Variants in RHPN2 observed in about 807,000 individuals in gnomAD.
RHPN2 encodes the protein rhophilin Rho GTPase binding protein 2.
RHPN2 carries 40 observed loss-of-function variants against 79.0 expected under a neutral mutation model. The ratio of observed to expected loss-of-function variants is 0.51; its 90% CI spans 0.39 to 0.66. The LOEUF (loss-of-function observed/expected upper bound fraction) is 0.66, where lower values mean the gene tolerates loss of function less well. Among genes scored for constraint, RHPN2 ranks in the 30% least tolerant of loss-of-function variants. The pLI is 0.00. For missense variants in RHPN2, 686 were observed against 883.5 expected (o/e 0.78, Z 2.83); for synonymous variants, 285 against 363.5 (o/e 0.78, Z 2.46).
intron 1 of RHPN2, among the ~76,000 whole-genome samples, chr19:33,046,748 G>A (rs1320459678): frequency 2.0e-5 from 3 of 152,068 alleles, no homozygotes; most frequent in African/African-American, 4.8e-5. Flanking sequence ...GTCTCACATC[G>A]TGGTTTTGAA....
chr19:33,062,630 G>A (rs1972289837), intron 1 of RHPN2, among the ~76,000 whole-genome samples: 1 of 151,590 alleles, frequency 6.6e-6, no homozygotes, highest in African/African-American at 2.4e-5. Flanking sequence ...AATTAGCCAG[G>A]TGTGGTGGCA....
chr19:33,014,064 TG>T (rs1354611543), intron 4 of RHPN2, among the ~76,000 whole-genome samples: 1 of 151,688 alleles, frequency 6.6e-6, no homozygotes. Flanking sequence ...TTAATAGAGA[TG>T]GGGTTTTGCC....
chr19:33,013,974 G>C (rs4458125), intron 4 of RHPN2, among the ~76,000 whole-genome samples: 52,709 of 151,318 alleles, frequency 0.35, 9,907 homozygotes, highest in African/African-American at 0.49. Context: ...TCTCCAGGCT[G>C]AAGCAATCCT....
At chr19:33,058,275 T>C (rs1223895667) in intron 1 of RHPN2, among the ~76,000 whole-genome samples, 1 of 152,228 alleles carries the variant, frequency 6.6e-6, no homozygotes, top group Admixed American at 6.5e-5. Flanking sequence ...TGCTGGGAAC[T>C]GCTGCCAAAG....
chr19:33,058,495 A>G (rs1242802041), intron 1 of RHPN2, among the ~76,000 whole-genome samples: 1 of 151,934 alleles, frequency 6.6e-6, no homozygotes, highest in Non-Finnish European at 1.5e-5. Context: ...TAAAATCCCA[A>G]TAGTCACCAG....
intron 1 of RHPN2, among the ~76,000 whole-genome samples, chr19:33,052,761 C>T (rs1972199338): frequency 1.3e-5 from 2 of 152,136 alleles, no homozygotes; most frequent in Non-Finnish European, 1.5e-5. Flanking sequence ...GCCCTCCTGC[C>T]CTTCCAGGAT....
chr19:33,056,046 A>G (rs998999023), intron 1 of RHPN2, among the ~76,000 whole-genome samples: 6 of 151,236 alleles, frequency 4.0e-5, no homozygotes, highest in Non-Finnish European at 5.9e-5. Flanking sequence ...GGGCCTTTCA[A>G]TGGCCCTGGG....
intron 4 of RHPN2, among the ~76,000 whole-genome samples, chr19:33,016,275 A>G (rs1971876887): frequency 6.6e-6 from 1 of 151,992 alleles, no homozygotes; most frequent in African/African-American, 2.4e-5. Flanking sequence ...GCAGGGGCTC[A>G]ATCATAGCTG....
At chr19:32,987,047 T>C (rs1482956437) in intron 14 of RHPN2, among the ~76,000 whole-genome samples, 1 of 151,612 alleles carries the variant, frequency 6.6e-6, no homozygotes, top group Non-Finnish European at 1.5e-5. Context: ...TCGCTAATTT[T>C]TTTTATTTTT....
chr19:33,050,019 G>A (rs1972174307), intron 1 of RHPN2, among the ~76,000 whole-genome samples: 1 of 152,142 alleles, frequency 6.6e-6, no homozygotes, highest in Non-Finnish European at 1.5e-5. Context: ...TGATGGCCTG[G>A]TGGGGGGCAG....
chr19:33,046,911 G>A (rs982436570), intron 1 of RHPN2, among the ~76,000 whole-genome samples: 1 of 151,458 alleles, frequency 6.6e-6, no homozygotes, highest in African/African-American at 2.4e-5. Context: ...CTGGACTGCT[G>A]CAGTGGTATG....
intron 7 of RHPN2, among the ~76,000 whole-genome samples, chr19:33,006,555 G>A (rs1971792775): frequency 6.6e-6 from 1 of 152,210 alleles, no homozygotes; most frequent in Admixed American, 6.5e-5. Flanking sequence ...GCAGAATGTC[G>A]ATGATCAGCC....
chr19:32,980,970 C>G (rs1333227300), intron 14 of RHPN2, among the ~76,000 whole-genome samples: 1 of 152,090 alleles, frequency 6.6e-6, no homozygotes, highest in Non-Finnish European at 1.5e-5. Context: ...CTCTGAGTAG[C>G]TGGGACTACA....
At chr19:32,990,137 T>TAAAGAAAGAAAGAAAGAAAGAAAG (rs67167337) in intron 14 of RHPN2, among the ~76,000 whole-genome samples, 5 of 17,876 alleles carry the variant, frequency 2.8e-4, no homozygotes, top group South Asian at 2.2e-3. Context: ...AGAAAATGAA[T>TAAAGAAAGAAAGAAAGAAAGAAAG]AAAGAAAGAA....
intron 2 of RHPN2, among the ~76,000 whole-genome samples, chr19:33,031,256 C>CTCTAT (rs1211673442): frequency 2.0e-5 from 1 of 49,944 alleles, no homozygotes. Context: ...TTCTATTCTA[C>CTCTAT]TCTATTCTAT....
chr19:33,059,395 T>C (rs1404739008), intron 1 of RHPN2, among the ~76,000 whole-genome samples: 6 of 151,190 alleles, frequency 4.0e-5, no homozygotes. Context: ...ACCTCACAGG[T>C]TCAGGCAATT....
intron 2 of RHPN2, among the ~76,000 whole-genome samples, chr19:33,037,804 C>T (rs565071352): frequency 2.0e-5 from 3 of 152,272 alleles, no homozygotes; most frequent in South Asian, 4.1e-4. Flanking sequence ...CGCGAGGGTC[C>T]GTCGCTTCAT....
chr19:33,011,478 T>C (rs1267517104), intron 6 of RHPN2, among the ~76,000 whole-genome samples: 1 of 152,188 alleles, frequency 6.6e-6, no homozygotes, highest in Non-Finnish European at 1.5e-5. Context: ...CACAGTCTGT[T>C]GGAGCCATCT....
At chr19:33,055,181 C>T (rs573126486) in intron 1 of RHPN2, among the ~76,000 whole-genome samples, 127 of 152,138 alleles carry the variant, frequency 8.3e-4, no homozygotes, top group African/African-American at 2.9e-3. Context: ...AAGACCCCAT[C>T]TCTACAAAAA....
Sources: gnomAD v4.1 joint callset for allele counts (sites outside exome capture counted in the v4.1 genomes callset) on GRCh38, gnomAD v4.1.1 for gene constraint, MANE v1.5 for transcripts, NCBI Gene and HGNC (gene_info 2026-07-23, HGNC 2026-07-21) for gene names.